EPHB6: variants seen among roughly 807,000 people sequenced by gnomAD.
EPHB6 encodes the protein ephrin type-B receptor 6.
A neutral mutation model predicts 107.0 loss-of-function variants in EPHB6; 51 were observed. That is an observed-to-expected ratio of 0.48 (90% CI 0.38 to 0.60). The LOEUF is 0.60. EPHB6 is among the 20% of genes least tolerant of loss of function. EPHB6 has a pLI of 0.00. For synonymous variants in EPHB6, 553 were observed against 549.0 expected (o/e 1.01, Z -0.10); for missense variants, 1,141 against 1,355.5 (o/e 0.84, Z 2.48).
rs1427716078 is a variant in EPHB6 at position 142,868,799 on chromosome 7, G to A, written c.2286+60G>A. On this transcript the variant is annotated intron_variant, in intron 15 of 19. Coordinates refer to ENST00000652003, the MANE Select transcript of EPHB6 (RefSeq NM_004445.6). The surrounding 1 kb of genome is among the most constrained non-coding windows in gnomAD (Gnocchi z 4.2). ...GGGTCCAGGAAAGCTTCCAGGAGAC[G>A]AGGTCCTGTATCTTTGCTTCTTACC... 124 of 1,612,474 alleles carry A rather than the reference G, an allele frequency of 7.7e-5. 1 individual carries two copies. The East Asian group carries it at 2.5e-3, about 33-fold the overall frequency.
Position 142,869,988 on chromosome 7 carries a change from G to T in EPHB6, c.2610+22G>T, listed in dbSNP as rs779913432. On this transcript the variant is annotated intron_variant, in intron 17 of 19. Transcript: ENST00000652003. The surrounding 1 kb of genome is among the most constrained non-coding windows in gnomAD (Gnocchi z 4.5). ...GGAGGTGAGCACTGACCTAGACACT[G>T]CTGATTTCCCACCCCGATCCCTCCC... 3 of 1,613,998 alleles carry T rather than the reference G, an allele frequency of 1.9e-6. No homozygotes were observed. In the African/African-American group the frequency reaches 4.0e-5, roughly 22 times the overall value.
chr7:142,863,206 G>A lies in EPHB6; in HGVS notation c.-22G>A. On this transcript the variant is annotated 5_prime_UTR_variant, in exon 5 of 20. It adds an upstream start codon to the 5' untranslated region. Coordinates refer to ENST00000652003, the MANE Select transcript of EPHB6 (RefSeq NM_004445.6). The stretch of plus-strand genomic sequence containing the variant: ...GAGCAGGGTGGTGGCTGGGGCGATG[G>A]TGGACGCCCTGAAGATGTCCCATGG... The A allele has an allele frequency of 6.2e-7, 1 of 1,609,984 alleles. No individual in the cohort carries two copies. The highest frequency in any genetic ancestry group is 8.5e-7 in the Non-Finnish European group (1 of 1,176,372).
intron 1 of EPHB6, among the ~76,000 whole-genome samples, chr7:142,860,484 TGGTGACG>T (rs996192881): frequency 5.3e-5 from 8 of 152,240 alleles, no homozygotes; most frequent in African/African-American, 1.9e-4. Flanking sequence ...AAACAGCCAC[TGGTGACG>T]GTGCCAAGGT....
At chr7:142,865,384 G>A (rs370351106) in intron 7 of EPHB6, 91 bp from the exon 8 acceptor site, 1 of 1,541,284 alleles carries the variant, frequency 6.5e-7, no homozygotes, top group Non-Finnish European at 8.9e-7. Flanking sequence ...GGGAAGAGAA[G>A]GCTGCGAGGA....
At position 142,864,022 on chromosome 7, in the gene EPHB6, A is replaced by G. The variant is rs1563338627; in HGVS notation, c.222A>G (p.Ala74=). Residue 74 remains alanine (A), a synonymous_variant, in exon 7 of 20, where the codon GCA becomes GCG. Transcript: ENST00000652003. ...GACGCCTGACTCGGACCTTTGAGGC[A>G]TGTCATGTGGCAGGGGCCCCTCCAG... ...DQRRLTRTFE[A]CHVAGAPPGT... The G allele has an allele frequency of 5.0e-6, 8 of 1,614,146 alleles. No individual in the cohort carries two copies. The highest frequency in any genetic ancestry group is 1.3e-5 in the African/African-American group (1 of 75,050).
chr7:142,857,038 T>G (rs1802641839), intron 1 of EPHB6, among the ~76,000 whole-genome samples: 1 of 152,236 alleles, frequency 6.6e-6, no homozygotes, highest in African/African-American at 2.4e-5. Flanking sequence ...GCCTCCTGCC[T>G]TAACACCCTC....
intron 1 of EPHB6, among the ~76,000 whole-genome samples, chr7:142,856,831 A>C (rs1056174034): frequency 6.6e-6 from 1 of 152,162 alleles, no homozygotes. Flanking sequence ...ACTGATGTGC[A>C]TCTTCTGCCA....
rs753323359 is a variant in EPHB6, at chr7:142,870,788, C to T, written c.2961-8C>T. 46 of 1,614,072 alleles carry T rather than the reference C, an allele frequency of 2.8e-5. No homozygotes were observed. Among genetic ancestry groups the T allele is most frequent in the Non-Finnish European group, 3.1e-5 (36 of 1,180,018 alleles). On this transcript the variant is annotated splice_region_variant and splice_polypyrimidine_tract_variant and intron_variant, in intron 19 of 19. Coordinates refer to ENST00000652003, the MANE Select transcript of EPHB6 (RefSeq NM_004445.6). ...TGGCCCAGATTTGATCCCTTCCCTC[C>T]CCACCAGAGACCTGCCTGCCCTGGG...
At chr7:142,859,424 T>C (rs2299557) in intron 1 of EPHB6, among the ~76,000 whole-genome samples, 8,831 of 152,322 alleles carry the variant, frequency 0.058, 294 homozygotes, top group African/African-American at 0.093. Flanking sequence ...TGAAATTGGC[T>C]TCAAAAGAAT....
At position 142,869,173 on chromosome 7, in the gene EPHB6, G is replaced by A; in HGVS notation, c.2460+26G>A. ...GTGAGAGCACAGCCTTGGGGACACAGCCTGGGGCCTTGTGGCATGCCCCAG... is the reference window on the plus strand; with the variant it reads ...GTGAGAGCACAGCCTTGGGGACACAACCTGGGGCCTTGTGGCATGCCCCAG... On this transcript the variant is annotated intron_variant, in intron 16 of 19. Coordinates refer to ENST00000652003, the MANE Select transcript of EPHB6 (RefSeq NM_004445.6). The surrounding 1 kb of genome is among the most constrained non-coding windows in gnomAD (Gnocchi z 4.5). 6.2e-7 allele frequency: 1 copy of A among 1,606,396 alleles called. No homozygotes were observed. Among genetic ancestry groups the A allele is most frequent in the Non-Finnish European group, 8.5e-7 (1 of 1,175,584 alleles).
chr7:142,860,829 A>C (rs1291887843), intron 1 of EPHB6, among the ~76,000 whole-genome samples: 1 of 152,186 alleles, frequency 6.6e-6, no homozygotes, highest in Non-Finnish European at 1.5e-5. Context: ...CCGCAGTGCC[A>C]GAAAAAAATT....
chr7:142,866,938 C>T lies in EPHB6; in HGVS notation c.1620C>T (p.Thr540=), dbSNP rs750698695. 1.2e-6 allele frequency: 2 copies of T among 1,613,994 alleles called. No individual in the cohort carries two copies. Among genetic ancestry groups the T allele is most frequent in the South Asian group, 1.1e-5 (1 of 91,068 alleles). ...AEDESHSFTL[T]SETNTATVTQ... ...ACGAATCCCACTCCTTCACCCTGAC[C>T]AGCGAGACCAACACTGCCACCGTGA... The change falls in exon 11 of 20, where the codon ACC becomes ACT. Residue 540 remains threonine (T), a synonymous_variant. Coordinates refer to ENST00000652003, the MANE Select transcript of EPHB6 (RefSeq NM_004445.6). This position sits in a 1 kb window ranked among gnomAD's most constrained non-coding sequence, Gnocchi z 5.2.
rs1802591843 is a variant in EPHB6, at chr7:142,855,999, CT to C, written c.-432+616del. On this transcript the variant is annotated intron_variant, in intron 1 of 19. Coordinates refer to ENST00000652003, the MANE Select transcript of EPHB6 (RefSeq NM_004445.6). This position sits in a 1 kb window ranked among gnomAD's most constrained non-coding sequence, Gnocchi z 4.2. ...CCCTCCATCTGGGTGCTTGGCCCTG[CT>C]TGCCCCACACCCCCACCCACCGATC... is the stretch of plus-strand genomic sequence containing the variant. 6.6e-6 allele frequency among the ~76,000 whole-genome samples: 1 copy of C among 152,182 alleles called. No individual in the cohort carries two copies. Among genetic ancestry groups the C allele is most frequent in the Admixed American group, 6.5e-5 (1 of 15,282 alleles).
At chr7:142,858,309 A>G (rs1042869458) in intron 1 of EPHB6, among the ~76,000 whole-genome samples, 5 of 151,662 alleles carry the variant, frequency 3.3e-5, no homozygotes, top group African/African-American at 1.2e-4. Context: ...TGCATAAACT[A>G]TATTAAGTAA....
In EPHB6 at chr7:142,868,436, C is replaced by T; in HGVS notation, c.2039-56C>T. 4 of 1,614,018 alleles carry T rather than the reference C, an allele frequency of 2.5e-6. No individual in the cohort carries two copies. Among genetic ancestry groups the T allele is most frequent in the Non-Finnish European group, 3.4e-6 (4 of 1,179,898 alleles). ...TCCGCTGGCCAGAGTCCCATCCAAA[C>T]ACAGCAGGACGCTGTGAGCCTTGAT... On this transcript the variant is annotated intron_variant, in intron 14 of 19. Coordinates refer to ENST00000652003, the MANE Select transcript of EPHB6 (RefSeq NM_004445.6). This position sits in a 1 kb window ranked among gnomAD's most constrained non-coding sequence, Gnocchi z 4.2.
In EPHB6 at chr7:142,871,013, A is replaced by C. The variant is rs543872280; in HGVS notation, c.*109A>C. 3.0e-6 allele frequency: 3 copies of C among 1,012,298 alleles called. No individual in the cohort carries two copies. Among genetic ancestry groups the C allele is most frequent in the African/African-American group, 2.0e-5 (1 of 50,770 alleles). The allele number at this position is 1,012,298 out of a possible 1,614,324, so 62.7% of individuals were successfully genotyped here. On this transcript the variant is annotated 3_prime_UTR_variant, in exon 20 of 20. Coordinates refer to ENST00000652003, the MANE Select transcript of EPHB6 (RefSeq NM_004445.6). ...TGAGAGATGCCCCACACCAAACCCAACCCTCCCGATGGCTGCATTCCCTGG... is the reference window on the plus strand; with the variant it reads ...TGAGAGATGCCCCACACCAAACCCACCCCTCCCGATGGCTGCATTCCCTGG...
chr7:142,855,887 G>A lies in EPHB6; in HGVS notation c.-432+502G>A, dbSNP rs939464855. Among the ~76,000 whole-genome samples, 1 of 152,098 alleles carries A rather than the reference G, an allele frequency of 6.6e-6. No homozygotes were observed. The highest frequency in any genetic ancestry group is 2.4e-5 in the African/African-American group (1 of 41,402). ...GTTAAGCCTTGGAGGTGGAAGGAAC[G>A]CTTGGTTCCTGCTGCCCAGCCATCA... On this transcript the variant is annotated intron_variant, in intron 1 of 19. Coordinates refer to ENST00000652003, the MANE Select transcript of EPHB6 (RefSeq NM_004445.6). This position sits in a 1 kb window ranked among gnomAD's most constrained non-coding sequence, Gnocchi z 4.2.
Position 142,867,517 on chromosome 7 carries a change from TGTGCCTGTGGTGTGTGTGG to T in EPHB6, c.1751-83_1751-65del. On this transcript the variant is annotated intron_variant, in intron 11 of 19. Transcript: ENST00000652003. This position sits in a 1 kb window ranked among gnomAD's most constrained non-coding sequence, Gnocchi z 5.3. ...TTGGGGCATGCGCGTGCATGTTGTGTGTGCCTGTGGTGTGTGTGGGTGCCTGGGCACATGAACAAGCACC... is the reference window on the plus strand; with the variant it reads ...TTGGGGCATGCGCGTGCATGTTGTGTGTGCCTGGGCACATGAACAAGCACC... 4.7e-6 allele frequency: 5 copies of T among 1,072,726 alleles called. No individual in the cohort carries two copies. The highest frequency in any genetic ancestry group is 7.0e-6 in the Non-Finnish European group (5 of 714,888). The allele number at this position is 1,072,726 out of a possible 1,614,324, so 66.5% of individuals were successfully genotyped here.
At position 142,867,623 on chromosome 7, in the gene EPHB6, A is replaced by G. The variant is rs1211699118; in HGVS notation, c.1766A>G (p.Gln589Arg). The change falls in exon 12 of 20, where the codon CAG becomes CGG. Residue 589 changes from glutamine to arginine, a missense_variant. Transcript: ENST00000652003. The surrounding 1 kb of genome is among the most constrained non-coding windows in gnomAD (Gnocchi z 5.3). ...GGTCCCCCAGGGGAGCTGTCTTCCC[A>G]GCTTCCAGAAAGACTCTCCTTGGTG... ...QTLPQGELSS[Q>R]LPERLSLVIG... The G allele has an allele frequency of 6.2e-7, 1 of 1,612,938 alleles. No homozygotes were observed. Among genetic ancestry groups the G allele is most frequent in the Non-Finnish European group, 8.5e-7 (1 of 1,179,800 alleles).
Sources: allele counts gnomAD v4.1 joint callset (sites outside exome capture counted in the v4.1 genomes callset), GRCh38; gene constraint gnomAD v4.1.1; non-coding constraint Gnocchi (gnomAD v3.1); transcripts MANE v1.5; gene names NCBI Gene and HGNC (gene_info 2026-07-23, HGNC 2026-07-21).